Variants in KIF2A observed in about 807,000 individuals in gnomAD.
KIF2A encodes kinesin-like protein KIF2A.
Under a neutral mutation model 100.2 loss-of-function variants are expected in KIF2A, and 22 were observed. The ratio of observed to expected loss-of-function variants is 0.22; its 90% confidence interval spans 0.16 to 0.31. The LOEUF is 0.31. KIF2A is among the 10% of genes least tolerant of loss of function. The pLI, the probability that KIF2A is intolerant of heterozygous loss-of-function variation, is 1.00. For synonymous variants in KIF2A, 268 were observed against 285.9 expected, an observed-to-expected ratio of 0.94 and a Z score of 0.63; for missense variants, 495 against 898.7, an observed-to-expected ratio of 0.55 and a Z score of 5.74.
At position 62,306,234 on chromosome 5, in the gene KIF2A, G is replaced by A. The variant is rs1054988579; in HGVS notation, c.-239G>A. On this transcript the variant is annotated 5_prime_UTR_variant, in exon 1 of 21. Coordinates refer to ENST00000407818, the MANE Select transcript of KIF2A (RefSeq NM_001098511.3). ...CTACCCCGCGCCGTCTCACGGCCCCGGCCCTAGCTTCACCCCGACTACCCG... is the reference window on the plus strand; with the variant it reads ...CTACCCCGCGCCGTCTCACGGCCCCAGCCCTAGCTTCACCCCGACTACCCG... 1 of 483,756 alleles carries A rather than the reference G, an allele frequency of 2.1e-6. No individual in the cohort carries two copies. The allele number at this position is 483,756 out of a possible 1,614,324, so 30.0% of individuals were successfully genotyped here. A position where few individuals can be genotyped will look rare whatever the true frequency, so the allele number is the denominator to read the frequency against.
At chr5:62,353,983 T>C (rs1039026039) in intron 6 of KIF2A, among the ~76,000 whole-genome samples, 3 of 152,170 alleles carry the variant, frequency 2.0e-5, no homozygotes, top group African/African-American at 7.2e-5. Flanking sequence ...AACTGCACCA[T>C]TGTGCTTGTA....
chr5:62,389,411 A>G lies in KIF2A; in HGVS notation c.*3842A>G, dbSNP rs1286611947. On this transcript the variant is annotated 3_prime_UTR_variant, in exon 21 of 21. Transcript: ENST00000407818. ...TGAGGCAGGAGATTTGCCTGAACCC[A>G]GGAGGCGGAGGTTGCAGTGAGCTGA... Among the ~76,000 whole-genome samples the G allele has an allele frequency of 6.9e-6, 1 of 144,808 alleles. No homozygotes were observed. The highest frequency in any genetic ancestry group is 1.5e-5 in the Non-Finnish European group (1 of 67,130). 95.0% of individuals were successfully genotyped at this position (144,808 alleles called of 152,430 possible). A position where few individuals can be genotyped will look rare whatever the true frequency, so the allele number is the denominator to read the frequency against.
chr5:62,353,225 G>C, intron 5 of KIF2A, 50 bp from the exon 6 acceptor site: 1 of 1,036,146 alleles, frequency 9.7e-7, no homozygotes, highest in Non-Finnish European at 1.4e-6. Flanking sequence ...TTTAATATTA[G>C]TACTCTAAAA....
intron 18 of KIF2A, among the ~76,000 whole-genome samples, chr5:62,375,631 A>C (rs1741503926): frequency 6.6e-6 from 1 of 152,250 alleles, no homozygotes. Context: ...TACTTAGCCC[A>C]AAATATTCTA....
intron 16 of KIF2A, among the ~76,000 whole-genome samples, chr5:62,367,440 T>C (rs1479295240): frequency 6.6e-6 from 1 of 152,068 alleles, no homozygotes; most frequent in African/African-American, 2.4e-5. Context: ...CTAATTTTTG[T>C]ATTTTTAGTA....
chr5:62,328,138 A>T (rs1299383358), intron 1 of KIF2A, among the ~76,000 whole-genome samples: 1 of 152,232 alleles, frequency 6.6e-6, no homozygotes, highest in East Asian at 1.9e-4. Flanking sequence ...AGTCTTTGGT[A>T]TTCTAAATAG....
chr5:62,374,901 T>G (rs1305074083), intron 18 of KIF2A, among the ~76,000 whole-genome samples: 1 of 152,156 alleles, frequency 6.6e-6, no homozygotes, highest in East Asian at 1.9e-4. Context: ...CACTCCAGTC[T>G]GGGCATCAGA....
At position 62,388,344 on chromosome 5, in the gene KIF2A, A is replaced by G; in HGVS notation, c.*2775A>G. The G allele has an allele frequency of 6.6e-6, 1 of 152,156 alleles. No homozygotes were observed. Among genetic ancestry groups the G allele is most frequent in the East Asian group, 1.9e-4 (1 of 5,194 alleles). 9.4% of individuals were successfully genotyped at this position (152,156 alleles called of 1,614,324 possible). On this transcript the variant is annotated 3_prime_UTR_variant, in exon 21 of 21. Coordinates refer to ENST00000407818, the MANE Select transcript of KIF2A (RefSeq NM_001098511.3). ...AATTTCATTCCAGTTTAGCTTCCTC[A>G]TTTTACATGTTGGGAGTCATGCCCT...
rs1258081174 is a variant in KIF2A at position 62,355,242 on chromosome 5, A to G, written c.642A>G (p.Thr214=). 1 of 1,513,682 alleles carries G rather than the reference A, an allele frequency of 6.6e-7. No homozygotes were observed. Among genetic ancestry groups the G allele is most frequent in the Admixed American group, 1.7e-5 (1 of 58,706 alleles). 93.8% of individuals were successfully genotyped at this position (1,513,682 alleles called of 1,614,324 possible). Residue 214 remains threonine (T), a synonymous_variant, in exon 7 of 21, where the codon ACA becomes ACG. Coordinates refer to ENST00000407818, the MANE Select transcript of KIF2A (RefSeq NM_001098511.3). ...GAAGTTTGGATTATAGACCATTAAC[A>G]ACAGCAGATCCTGTAAGATTCTTTG... ...FRGSLDYRPL[T]TADPIDEHRI... is the part of the protein sequence containing the mutation.
At chr5:62,383,078 C>T (rs1477452899) in intron 20 of KIF2A, among the ~76,000 whole-genome samples, 2 of 151,276 alleles carry the variant, frequency 1.3e-5, no homozygotes, top group African/African-American at 4.9e-5. Context: ...AGGCGTGTGC[C>T]ACTGTACCCG....
Position 62,352,563 on chromosome 5 carries a change from T to A in KIF2A, c.335-25T>A, listed in dbSNP as rs559853959. 2.3e-4 allele frequency: 345 copies of A among 1,501,642 alleles called. No homozygotes were observed. In the African/African-American group the frequency reaches 3.4e-3, roughly 15 times the overall value. The allele number at this position is 1,501,642 out of a possible 1,614,324, so 93.0% of individuals were successfully genotyped here. On this transcript the variant is annotated intron_variant, in intron 4 of 20. Transcript: ENST00000407818. ...TTTTACTAATTTTCTATCCTGAATTTAAAATTTTTTTTTTTTACTTACAGT... is the reference window on the plus strand; with the variant it reads ...TTTTACTAATTTTCTATCCTGAATTAAAAATTTTTTTTTTTTACTTACAGT...
chr5:62,325,719 G>C (rs1250871658), intron 1 of KIF2A, among the ~76,000 whole-genome samples: 1 of 152,242 alleles, frequency 6.6e-6, no homozygotes, highest in African/African-American at 2.4e-5. Context: ...TTCAGCCACT[G>C]TGGAAAGCAG....
At chr5:62,378,532 A>G (rs2111999721) in intron 19 of KIF2A, among the ~76,000 whole-genome samples, 1 of 152,352 alleles carries the variant, frequency 6.6e-6, no homozygotes, top group Admixed American at 6.5e-5. Flanking sequence ...AAACAAAGGA[A>G]CTTCAGCTCT....
intron 1 of KIF2A, among the ~76,000 whole-genome samples, chr5:62,337,692 G>C (rs968627624): frequency 6.6e-6 from 1 of 151,762 alleles, no homozygotes; most frequent in Non-Finnish European, 1.5e-5. Flanking sequence ...AGGCATAGTA[G>C]TGCATGCCTG....
chr5:62,339,855 TG>T (rs1747194691), intron 1 of KIF2A, among the ~76,000 whole-genome samples: 1 of 151,428 alleles, frequency 6.6e-6, no homozygotes, highest in Non-Finnish European at 1.5e-5. Context: ...TCTGTGTGTG[TG>T]TGTTACATTT....
chr5:62,345,481 CAA>C (rs777301847), intron 1 of KIF2A, among the ~76,000 whole-genome samples: 2 of 80,698 alleles, frequency 2.5e-5, no homozygotes, highest in Non-Finnish European at 2.4e-5. Context: ...GACTCTGTCT[CAA>C]AAAAAAAAAA....
chr5:62,365,180 GTTAA>G, intron 14 of KIF2A, 59 bp from the exon 15 acceptor site: 6 of 787,536 alleles, frequency 7.6e-6, no homozygotes, highest in Non-Finnish European at 1.2e-5. Context: ...TTTAAAATAT[GTTAA>G]TTAAGATTAT....
At chr5:62,317,620 G>A (rs1745883467) in intron 1 of KIF2A, among the ~76,000 whole-genome samples, 1 of 152,126 alleles carries the variant, frequency 6.6e-6, no homozygotes, top group African/African-American at 2.4e-5. Flanking sequence ...AATGTTCCGG[G>A]CATTGGAAGT....
At chr5:62,363,467 C>A in intron 13 of KIF2A, 147 bp downstream of exon 13, 1 of 768,926 alleles carries the variant, frequency 1.3e-6, no homozygotes, top group Non-Finnish European at 2.0e-6. Context: ...ATGTGAGTGA[C>A]AATTATTATA....
Sources: gnomAD v4.1 joint callset for allele counts (sites outside exome capture counted in the v4.1 genomes callset) on GRCh38, gnomAD v4.1.1 for gene constraint, MANE v1.5 for transcripts, NCBI Gene and HGNC (gene_info 2026-07-23, HGNC 2026-07-21) for gene names.